Variants in CSNK2A2IP observed in about 807,000 individuals in gnomAD.
CSNK2A2IP encodes casein kinase 2 subunit alpha' interacting protein, also known as casein kinase II subunit alpha'-interacting protein.
chr3:88,432,412 G>A, the CSNK2A2IP span, among the ~76,000 whole-genome samples: 4 of 151,600 alleles, frequency 2.6e-5, no homozygotes, highest in Non-Finnish European at 4.4e-5. Flanking sequence ...ATGGCATAAA[G>A]TATCTAATGT....
At chr3:88,422,119 A>G in the CSNK2A2IP span, among the ~76,000 whole-genome samples, 4 of 152,184 alleles carry the variant, frequency 2.6e-5, no homozygotes, top group Non-Finnish European at 5.9e-5. Context: ...ACATTGGCAA[A>G]AAACTTTTAT....
the CSNK2A2IP span, among the ~76,000 whole-genome samples, chr3:88,421,976 A>G: frequency 1.3e-5 from 2 of 152,204 alleles, no homozygotes; most frequent in African/African-American, 4.8e-5. Context: ...TAACACAGCT[A>G]CACTATGAAT....
the CSNK2A2IP span, among the ~76,000 whole-genome samples, chr3:88,429,196 T>A: frequency 6.6e-6 from 1 of 152,002 alleles, no homozygotes; most frequent in African/African-American, 2.4e-5. Context: ...ATTTCCAGCA[T>A]GAGTCTTGGC....
the CSNK2A2IP span, among the ~76,000 whole-genome samples, chr3:88,434,017 C>G: frequency 6.6e-6 from 1 of 151,988 alleles, no homozygotes; most frequent in Non-Finnish European, 1.5e-5. Context: ...TTTTTGAGCC[C>G]AGATTTTTTG....
chr3:88,437,856 T>G, the CSNK2A2IP span, among the ~76,000 whole-genome samples: 1 of 152,172 alleles, frequency 6.6e-6, no homozygotes, highest in Non-Finnish European at 1.5e-5. Context: ...TATTACCAAT[T>G]TCAATAACAT....
chr3:88,349,242 T>C, the CSNK2A2IP span, among the ~76,000 whole-genome samples: 62,454 of 151,780 alleles, frequency 0.41, 14,771 homozygotes, highest in South Asian at 0.6. Context: ...ACCCAAGAAG[T>C]GTGCACTGTA....
chr3:88,442,581 C>T, the CSNK2A2IP span, among the ~76,000 whole-genome samples: 1 of 151,554 alleles, frequency 6.6e-6, no homozygotes, highest in Non-Finnish European at 1.5e-5. Context: ...AACATTATAC[C>T]AAACACTTTA....
the CSNK2A2IP span, among the ~76,000 whole-genome samples, chr3:88,365,716 C>T: frequency 1.3e-5 from 2 of 152,260 alleles, no homozygotes; most frequent in South Asian, 2.1e-4. Context: ...TAGAGAGGAA[C>T]TCCAATACCT....
chr3:88,439,080 A>G, the CSNK2A2IP span, among the ~76,000 whole-genome samples: 1 of 152,160 alleles, frequency 6.6e-6, no homozygotes, highest in African/African-American at 2.4e-5. Context: ...TCTCCGAGAT[A>G]TGACATCTTT....
At chr3:88,351,203 A>C in the CSNK2A2IP span, among the ~76,000 whole-genome samples, 1 of 152,112 alleles carries the variant, frequency 6.6e-6, no homozygotes, top group Non-Finnish European at 1.5e-5. Flanking sequence ...TAAATACATA[A>C]TTTTTCTTAT....
chr3:88,405,863 A>G, the CSNK2A2IP span, among the ~76,000 whole-genome samples: 5 of 152,176 alleles, frequency 3.3e-5, no homozygotes. Flanking sequence ...TTGCAGAACA[A>G]AAATATTTTA....
At chr3:88,391,402 CATA>C in the CSNK2A2IP span, among the ~76,000 whole-genome samples, 1 of 152,060 alleles carries the variant, frequency 6.6e-6, no homozygotes, top group African/African-American at 2.4e-5. Flanking sequence ...CCTAAATGGA[CATA>C]ATACCTTTAT....
At chr3:88,364,534 T>C in the CSNK2A2IP span, among the ~76,000 whole-genome samples, 2 of 152,084 alleles carry the variant, frequency 1.3e-5, no homozygotes, top group South Asian at 2.1e-4. Context: ...TATTATCTTT[T>C]AAAATTTTTA....
chr3:88,390,488 T>A, the CSNK2A2IP span, among the ~76,000 whole-genome samples: 2 of 152,188 alleles, frequency 1.3e-5, no homozygotes, highest in Non-Finnish European at 2.9e-5. Flanking sequence ...ATTAAGCCGA[T>A]AACTCAACGT....
At chr3:88,446,835 T>C in the CSNK2A2IP span, among the ~76,000 whole-genome samples, 1 of 152,208 alleles carries the variant, frequency 6.6e-6, no homozygotes, top group Admixed American at 6.5e-5. Context: ...TATGCTTTTA[T>C]GTTGGAAAGT....
chr3:88,420,819 A>G, the CSNK2A2IP span, among the ~76,000 whole-genome samples: 3 of 152,214 alleles, frequency 2.0e-5, no homozygotes, highest in Non-Finnish European at 4.4e-5. Context: ...GTAGAGGCCG[A>G]TGAATCATGC....
chr3:88,430,207 C>T, the CSNK2A2IP span, among the ~76,000 whole-genome samples: 5 of 151,986 alleles, frequency 3.3e-5, no homozygotes, highest in African/African-American at 1.2e-4. Flanking sequence ...AGCACTGTAC[C>T]TTCTAAATAT....
chr3:88,418,002 A>T, the CSNK2A2IP span, among the ~76,000 whole-genome samples: 4 of 152,230 alleles, frequency 2.6e-5, no homozygotes, highest in African/African-American at 9.6e-5. Flanking sequence ...TATTAATCAC[A>T]GCATCTTTAT....
the CSNK2A2IP span, among the ~76,000 whole-genome samples, chr3:88,451,558 C>T: frequency 6.6e-6 from 1 of 151,684 alleles, no homozygotes; most frequent in African/African-American, 2.4e-5. Flanking sequence ...TTTGATTCTA[C>T]CTAATGTTCC....
Sources: allele counts gnomAD v4.1 joint callset (sites outside exome capture counted in the v4.1 genomes callset), GRCh38; gene constraint gnomAD v4.1.1; transcripts MANE v1.5; gene names NCBI Gene and HGNC (gene_info 2026-07-23, HGNC 2026-07-21).